UGT1A8: variants seen among roughly 807,000 people sequenced by gnomAD.
The protein encoded by UGT1A8 is UDP glucuronosyltransferase family 1 member A8.
UGT1A8 carries 39 observed loss-of-function variants against 45.3 expected under a neutral mutation model. The observed-to-expected ratio is 0.86, with a 90% CI of 0.67 to 1.12. The LOEUF (loss-of-function observed/expected upper bound fraction) is 1.12, where lower values mean the gene tolerates loss of function less well. Ranked by LOEUF, UGT1A8 falls within the 50% of genes most tolerant of loss-of-function variation. The probability of loss-of-function intolerance (pLI) is 0.00; values close to 1 mark genes in which losing one functional copy is unlikely to be tolerated. For synonymous variants in UGT1A8, 275 were observed against 249.2 expected (o/e 1.10, Z -0.97); for missense variants, 719 against 664.9 (o/e 1.08, Z -0.90).
chr2:233,722,201 C>A (rs2076999629), intron 1 of UGT1A8: 1 of 154,184 alleles, frequency 6.5e-6, no homozygotes, highest in African/African-American at 2.4e-5. Flanking sequence ...TTACTGAGTG[C>A]ATGAAAGATC....
At chr2:233,680,011 T>TTC (rs892879074) in intron 1 of UGT1A8, among the ~76,000 whole-genome samples, 1 of 152,052 alleles carries the variant, frequency 6.6e-6, no homozygotes, top group Non-Finnish European at 1.5e-5. Flanking sequence ...TTTTCTTTCT[T>TTC]TCTCTCTCTC....
At chr2:233,642,975 C>T (rs2073494606) in intron 1 of UGT1A8, among the ~76,000 whole-genome samples, 1 of 152,206 alleles carries the variant, frequency 6.6e-6, no homozygotes, top group Non-Finnish European at 1.5e-5. Context: ...TGGCCATCAC[C>T]ACTATGACTG....
intron 1 of UGT1A8, among the ~76,000 whole-genome samples, chr2:233,728,491 C>T (rs2077722476): frequency 6.6e-6 from 1 of 152,140 alleles, no homozygotes; most frequent in South Asian, 2.1e-4. Flanking sequence ...ACATCTTGAG[C>T]TCAGCCTCCC....
chr2:233,644,802 A>G (rs2073556196), intron 1 of UGT1A8, among the ~76,000 whole-genome samples: 1 of 151,906 alleles, frequency 6.6e-6, no homozygotes. Flanking sequence ...AGTGTCTCTG[A>G]GTTATATAAA....
rs1342292441 is a variant in UGT1A8, at chr2:233,772,794, G to A, written c.*235G>A. 35 of 1,212,802 alleles carry A rather than the reference G, an allele frequency of 2.9e-5. No individual in the cohort carries two copies. Among genetic ancestry groups the A allele is most frequent in the African/African-American group, 6.1e-5 (4 of 65,186 alleles). The allele number at this position is 1,212,802 out of a possible 1,614,324, so 75.1% of individuals were successfully genotyped here. On this transcript the variant is annotated 3_prime_UTR_variant, in exon 5 of 5. Transcript: ENST00000373450. ...CTGGTGTCTTTGATCAGGATGACAT[G>A]TGCCATTTTTCAGAGGACGTGCAGA...
In UGT1A8 at chr2:233,769,577, T is replaced by C. The variant is rs780547888; in HGVS notation, c.1295+1138T>C. 1 of 1,612,862 alleles carries C rather than the reference T, an allele frequency of 6.2e-7. No homozygotes were observed. The highest frequency in any genetic ancestry group is 1.1e-5 in the South Asian group (1 of 91,064). ...ACAGATGTGAAGAGCTGGAGCATGTTCAGATGAGAGGAGACGGAACACGGG... is the reference window on the plus strand; with the variant it reads ...ACAGATGTGAAGAGCTGGAGCATGTCCAGATGAGAGGAGACGGAACACGGG... On this transcript the variant is annotated intron_variant, in intron 4 of 4. Transcript: ENST00000373450. The surrounding 1 kb of genome is among the most constrained non-coding windows in gnomAD (Gnocchi z 4.4).
intron 1 of UGT1A8, among the ~76,000 whole-genome samples, chr2:233,661,636 TTTC>T (rs759210192): frequency 1.4e-3 from 120 of 83,360 alleles, no homozygotes; most frequent in South Asian, 0.011. Context: ...TCTTTCTTTC[TTTC>T]TTTCTTTCTT....
intron 1 of UGT1A8, among the ~76,000 whole-genome samples, chr2:233,631,429 G>T (rs2073183720): frequency 6.6e-6 from 1 of 152,084 alleles, no homozygotes; most frequent in South Asian, 2.1e-4. Context: ...CTTCCACAAT[G>T]GTTGAACTAA....
intron 1 of UGT1A8, among the ~76,000 whole-genome samples, chr2:233,750,901 C>T (rs2125907846): frequency 6.6e-6 from 1 of 152,000 alleles, no homozygotes; most frequent in South Asian, 2.1e-4. Flanking sequence ...AGAACCTCTG[C>T]TAGAGAAGGG....
intron 1 of UGT1A8, among the ~76,000 whole-genome samples, chr2:233,715,487 T>A (rs958657491): frequency 6.6e-6 from 1 of 152,178 alleles, no homozygotes; most frequent in African/African-American, 2.4e-5. Context: ...TGAAAATGAT[T>A]TGTGTGCAAG....
intron 1 of UGT1A8, chr2:233,760,621 A>G: frequency 1.9e-6 from 3 of 1,614,194 alleles, no homozygotes; most frequent in Non-Finnish European, 2.5e-6. Context: ...TGTGATCAAA[A>G]CATACAAGAA....
At chr2:233,637,386 C>A in intron 1 of UGT1A8, 2 of 1,609,790 alleles carry the variant, frequency 1.2e-6, no homozygotes, top group Non-Finnish European at 1.7e-6. Flanking sequence ...TGGTAAGTCA[C>A]CTCTCCTTTA....
chr2:233,628,070 G>T (rs976210191), intron 1 of UGT1A8, among the ~76,000 whole-genome samples: 67 of 152,182 alleles, frequency 4.4e-4, no homozygotes, highest in African/African-American at 1.6e-3. Flanking sequence ...TATTACAGTA[G>T]TGTAGTATAT....
At chr2:233,641,111 A>G (rs2073440232) in intron 1 of UGT1A8, among the ~76,000 whole-genome samples, 1 of 152,118 alleles carries the variant, frequency 6.6e-6, no homozygotes. Flanking sequence ...GCACCATCCT[A>G]TAAAATCCTC....
At chr2:233,735,658 T>C (rs948195085) in intron 1 of UGT1A8, among the ~76,000 whole-genome samples, 2 of 152,230 alleles carry the variant, frequency 1.3e-5, no homozygotes, top group African/African-American at 2.4e-5. Flanking sequence ...CTGGTGTTTC[T>C]TTCCATGTTT....
rs573640732 is a variant in UGT1A8, at chr2:233,742,006, C to A, written c.856-25028C>A. On this transcript the variant is annotated intron_variant, in intron 1 of 4. Coordinates refer to ENST00000373450, the MANE Select transcript of UGT1A8 (RefSeq NM_019076.5). The stretch of plus-strand genomic sequence containing the variant: ...CAAAAAATATTACAGATACACTTGG[C>A]TTTCATCAACCTAATTTGATATGTC... 5 of 152,014 alleles carry A rather than the reference C, an allele frequency of 3.3e-5. No individual in the cohort carries two copies. The South Asian group carries it at 8.3e-4, about 25-fold the overall frequency. 9.4% of individuals were successfully genotyped at this position (152,014 alleles called of 1,614,324 possible).
At chr2:233,731,193 A>G (rs750244105) in intron 1 of UGT1A8, among the ~76,000 whole-genome samples, 7 of 152,062 alleles carry the variant, frequency 4.6e-5, no homozygotes, top group East Asian at 1.9e-4. Flanking sequence ...TAATTATTCA[A>G]TTATAAAATA....
chr2:233,713,186 G>A (rs760031954), intron 1 of UGT1A8: 1 of 1,614,224 alleles, frequency 6.2e-7, no homozygotes, highest in South Asian at 1.1e-5. Context: ...CCCTGGAGGT[G>A]AATATGTACA....
chr2:233,620,301 G>C (rs190771060), intron 1 of UGT1A8, among the ~76,000 whole-genome samples: 5 of 152,180 alleles, frequency 3.3e-5, no homozygotes, highest in African/African-American at 1.2e-4. Flanking sequence ...GAGGTTGGAC[G>C]TATCAAAGCA....
Sources: gnomAD v4.1 joint callset for allele counts (sites outside exome capture counted in the v4.1 genomes callset) on GRCh38, gnomAD v4.1.1 for gene constraint, Gnocchi (gnomAD v3.1) non-coding constraint, MANE v1.5 for transcripts, NCBI Gene and HGNC (gene_info 2026-07-23, HGNC 2026-07-21) for gene names.